Variants in PIK3CA observed in about 807,000 individuals in gnomAD.
PIK3CA encodes phosphatidylinositol 4,5-bisphosphate 3-kinase catalytic subunit alpha isoform.
In PIK3CA, 27 loss-of-function variants were observed where a neutral mutation model predicts 138.2. That is an observed-to-expected ratio of 0.20 (90% CI 0.14 to 0.27). The LOEUF (loss-of-function observed/expected upper bound fraction) is 0.27, where lower values mean the gene tolerates loss of function less well. Ranked by LOEUF, PIK3CA falls within the 10% of genes least tolerant of loss-of-function variation. The pLI, the probability that PIK3CA is intolerant of heterozygous loss-of-function variation, is 1.00. For synonymous variants in PIK3CA, 358 were observed against 413.2 expected (o/e 0.87, Z 1.62); for missense variants, 544 against 1,277.4 (o/e 0.43, Z 8.75).
rs2108419376 is a variant in PIK3CA, at chr3:179,225,969, G to T, written c.2424G>T (p.Arg808=). The T allele has an allele frequency of 1.3e-6, 2 of 1,558,892 alleles. No homozygotes were observed. Among genetic ancestry groups the T allele is most frequent in the Non-Finnish European group, 1.8e-6 (2 of 1,133,584 alleles). ...ATATTATTTGAATTTCAGATTTACG[G>T]CAAGATATGCTAACACTTCAAATTA... ...EIIFKNGDDL[R]QDMLTLQIIR... The change falls in exon 17 of 21, where the codon CGG becomes CGT. Residue 808 remains arginine (R), a synonymous_variant. Coordinates refer to ENST00000263967, the MANE Select transcript of PIK3CA (RefSeq NM_006218.4).
intron 10 of PIK3CA, among the ~76,000 whole-genome samples, chr3:179,218,622 C>CT (rs1724896669): frequency 6.6e-6 from 1 of 151,930 alleles, no homozygotes; most frequent in African/African-American, 2.4e-5. Context: ...AGTTTTAGGT[C>CT]AATTTAGATG....
intron 1 of PIK3CA, among the ~76,000 whole-genome samples, chr3:179,164,295 A>G (rs1316411952): frequency 6.6e-6 from 1 of 152,174 alleles, no homozygotes; most frequent in Non-Finnish European, 1.5e-5. Context: ...TATATTTCCG[A>G]TACTTACAGA....
chr3:179,230,685 T>C lies in PIK3CA; in HGVS notation c.2936+309T>C, dbSNP rs1030139473. 2.0e-5 allele frequency among the ~76,000 whole-genome samples: 3 copies of C among 152,070 alleles called. No homozygotes were observed. The highest frequency in any genetic ancestry group is 4.4e-5 in the Non-Finnish European group (3 of 68,008). ...GGGAGGATCACTTGAGCCCAGGAGG[T>C]TGAGGTTGCAGTGAGCCATTATCAC... On this transcript the variant is annotated intron_variant, in intron 20 of 20. Coordinates refer to ENST00000263967, the MANE Select transcript of PIK3CA (RefSeq NM_006218.4). This position sits in a 1 kb window ranked among gnomAD's most constrained non-coding sequence, Gnocchi z 5.4.
At position 179,224,690 on chromosome 3, in the gene PIK3CA, T is replaced by C. The variant is rs2108417732; in HGVS notation, c.2295-10T>C. ...AAAGGTACCTAGTAAAGTTTTTAAC[T>C]ATTTTAAAGGCTTGAAGAGTGTCGA... is the stretch of plus-strand genomic sequence containing the variant. On this transcript the variant is annotated splice_polypyrimidine_tract_variant and intron_variant, in intron 15 of 20. Coordinates refer to ENST00000263967, the MANE Select transcript of PIK3CA (RefSeq NM_006218.4). 1 of 1,560,870 alleles carries C rather than the reference T, an allele frequency of 6.4e-7. No individual in the cohort carries two copies. The highest frequency in any genetic ancestry group is 1.2e-5 in the South Asian group (1 of 80,310).
At chr3:179,201,187 A>G in intron 3 of PIK3CA, 103 bp from the exon 4 acceptor site, 1 of 974,374 alleles carries the variant, frequency 1.0e-6, no homozygotes, top group Non-Finnish European at 1.5e-6. Context: ...ATTAAAAAGC[A>G]TTTCTGATAT....
chr3:179,168,569 C>T (rs1011995392), intron 1 of PIK3CA, among the ~76,000 whole-genome samples: 2 of 152,012 alleles, frequency 1.3e-5, no homozygotes, highest in African/African-American at 4.8e-5. Flanking sequence ...TTCCATTTTT[C>T]TCTTACCTCA....
chr3:179,157,620 TTACTC>T (rs1379528469), intron 1 of PIK3CA, among the ~76,000 whole-genome samples: 3 of 151,982 alleles, frequency 2.0e-5, no homozygotes, highest in Admixed American at 2.0e-4. Context: ...ATATGTTTGT[TTACTC>T]TAAAACTAAT....
intron 1 of PIK3CA, among the ~76,000 whole-genome samples, chr3:179,155,068 C>A (rs1372012869): frequency 6.6e-6 from 1 of 152,132 alleles, no homozygotes. Flanking sequence ...AAGAAAAAAA[C>A]TGTATAGGGA....
In PIK3CA at chr3:179,220,867, G is replaced by T; in HGVS notation, c.2016-119G>T. 2 of 528,498 alleles carry T rather than the reference G, an allele frequency of 3.8e-6. No homozygotes were observed. Among genetic ancestry groups the T allele is most frequent in the East Asian group, 3.4e-5 (1 of 29,336 alleles). The allele number at this position is 528,498 out of a possible 1,614,324, so 32.7% of individuals were successfully genotyped here. The stretch of plus-strand genomic sequence containing the variant: ...CAGGTTTTGAATAATTTTATTATTA[G>T]TATGATTGTAACATTTATTGGATTT... On this transcript the variant is annotated intron_variant, in intron 13 of 20. Transcript: ENST00000263967. The surrounding 1 kb of genome is among the most constrained non-coding windows in gnomAD (Gnocchi z 4.1).
At chr3:179,163,555 C>CA (rs1396342460) in intron 1 of PIK3CA, among the ~76,000 whole-genome samples, 2 of 152,004 alleles carry the variant, frequency 1.3e-5, no homozygotes, top group Non-Finnish European at 2.9e-5. Flanking sequence ...TACAAGTGAA[C>CA]AAATTAAAAG....
chr3:179,204,482 A>G, intron 5 of PIK3CA, 21 bp from the exon 6 acceptor site: 1 of 1,193,756 alleles, frequency 8.4e-7, no homozygotes, highest in Non-Finnish European at 1.3e-6. Context: ...ACATTAGTAT[A>G]TACCTACTTT....
At position 179,215,646 on chromosome 3, in the gene PIK3CA, G is replaced by C. The variant is rs1724819697; in HGVS notation, c.1540-2564G>C. Among the ~76,000 whole-genome samples the C allele has an allele frequency of 2.0e-5, 3 of 152,104 alleles. No homozygotes were observed. In the South Asian group the frequency reaches 6.2e-4, roughly 32 times the overall value. On this transcript the variant is annotated intron_variant, in intron 9 of 20. Coordinates refer to ENST00000263967, the MANE Select transcript of PIK3CA (RefSeq NM_006218.4). Reference sequence around the variant, plus strand: ...TTCTTATTGCATTGCCCAGTGTCTTGCATCATCTTTCCAGAAGTATAGAAG... The same window carrying C: ...TTCTTATTGCATTGCCCAGTGTCTTCCATCATCTTTCCAGAAGTATAGAAG...
At chr3:179,149,493 CTG>C (rs1464313131) in intron 1 of PIK3CA, 3 of 152,142 alleles carry the variant, frequency 2.0e-5, no homozygotes, top group African/African-American at 7.2e-5. Context: ...ATAATTGAGA[CTG>C]TTTACATGGT....
Position 179,199,794 on chromosome 3 carries a change from C to T in PIK3CA, c.457C>T (p.Leu153Phe), listed in dbSNP as rs1724363410. 6.2e-7 allele frequency: 1 copy of T among 1,612,128 alleles called. No individual in the cohort carries two copies. The highest frequency in any genetic ancestry group is 8.5e-7 in the Non-Finnish European group (1 of 1,178,344). Residue 153 changes from leucine (L) to phenylalanine (F), a missense_variant, in exon 3 of 21, where the codon CTT (leucine) becomes TTT (phenylalanine). Leu to Phe is a conservative substitution (Grantham distance 22). Transcript: ENST00000263967. ...ILNVCKEAVD[L>F]RDLNSPHSRA... ...GAACGTTTGTAAAGAAGCTGTGGAT[C>T]TTAGGGACCTCAATTCACCTCATAG...
intron 10 of PIK3CA, among the ~76,000 whole-genome samples, chr3:179,218,769 T>A (rs1203331151): frequency 6.6e-6 from 1 of 152,018 alleles, no homozygotes; most frequent in Non-Finnish European, 1.5e-5. Context: ...ACGGGTATAT[T>A]TAAATAAACC....
At chr3:179,218,394 AT>A (rs2108408673) in intron 10 of PIK3CA, 60 bp downstream of exon 10, 1 of 1,441,398 alleles carries the variant, frequency 6.9e-7, no homozygotes, top group South Asian at 1.3e-5. Flanking sequence ...AAATAACTGA[AT>A]TTGGCTGATC....
At chr3:179,188,459 AT>A (rs1055711149) in intron 1 of PIK3CA, among the ~76,000 whole-genome samples, 2 of 152,132 alleles carry the variant, frequency 1.3e-5, no homozygotes, top group East Asian at 1.9e-4. Context: ...ATGTTAGTAT[AT>A]TTTTTTCCAT....
intron 1 of PIK3CA, among the ~76,000 whole-genome samples, chr3:179,162,578 T>C (rs1368864406): frequency 6.6e-6 from 1 of 152,086 alleles, no homozygotes; most frequent in Non-Finnish European, 1.5e-5. Context: ...ATTGTTAGAA[T>C]GAATAAGAAT....
intron 1 of PIK3CA, among the ~76,000 whole-genome samples, chr3:179,197,120 C>T (rs1052756805): frequency 6.6e-6 from 1 of 151,986 alleles, no homozygotes; most frequent in Non-Finnish European, 1.5e-5. Flanking sequence ...CTCACTGCAA[C>T]CTCTGCCTCC....
Sources: gnomAD v4.1 joint callset for allele counts (sites outside exome capture counted in the v4.1 genomes callset) on GRCh38, gnomAD v4.1.1 for gene constraint, Gnocchi (gnomAD v3.1) non-coding constraint, MANE v1.5 for transcripts, NCBI Gene and HGNC (gene_info 2026-07-23, HGNC 2026-07-21) for gene names.